NPFFR2: variants seen among roughly 807,000 people sequenced by gnomAD.
NPFFR2 encodes neuropeptide FF receptor 2, also known as G-protein coupled receptor 74.
In NPFFR2, 15 loss-of-function variants were observed where a neutral mutation model predicts 13.1. The ratio of observed to expected loss-of-function variants is 1.15; its 90% CI spans 0.77 to 1.76. The LOEUF is 1.76. Among genes scored for constraint, NPFFR2 ranks in the 40% most tolerant of loss-of-function variants. NPFFR2 has a pLI of 0.00. For missense variants in NPFFR2, 572 were observed against 503.5 expected (o/e 1.14, Z -1.30); for synonymous variants, 190 against 175.7 (o/e 1.08, Z -0.65).
chr4:72,112,097 A>G (rs998672364), intron 1 of NPFFR2, among the ~76,000 whole-genome samples: 6 of 152,022 alleles, frequency 3.9e-5, no homozygotes, highest in South Asian at 2.1e-4. Context: ...CTCTCAGCCA[A>G]CCTTTTTCAG....
At chr4:72,144,837 A>G (rs547227377) in intron 3 of NPFFR2, among the ~76,000 whole-genome samples, 2 of 152,260 alleles carry the variant, frequency 1.3e-5, no homozygotes, top group African/African-American at 2.4e-5. Context: ...TCCAAATTCT[A>G]TTATTTCTGA....
At chr4:72,086,297 GCTTTCT>G (rs1481361874) in intron 1 of NPFFR2, among the ~76,000 whole-genome samples, 4 of 152,064 alleles carry the variant, frequency 2.6e-5, no homozygotes, top group Non-Finnish European at 5.9e-5. Context: ...AATGGTTTCA[GCTTTCT>G]TAAGCTCTCC....
chr4:72,038,905 CTT>C (rs1158358179), intron 1 of NPFFR2, among the ~76,000 whole-genome samples: 4 of 84,752 alleles, frequency 4.7e-5, no homozygotes, highest in African/African-American at 1.9e-4. Flanking sequence ...AATTTCCTTT[CTT>C]TTTTTTTTTT....
Position 72,147,422 on chromosome 4 carries a change from G to T in NPFFR2, c.873G>T (p.Trp291Cys). The change falls in exon 4 of 4, where the codon TGG (tryptophan) becomes TGT (cysteine). Residue 291 changes from tryptophan (W) to cysteine (C), a missense_variant. Coordinates refer to ENST00000308744, the MANE Select transcript of NPFFR2 (RefSeq NM_004885.3). Reference sequence around the variant, plus strand: ...TTATTCTCTCATGGCTGCCCCTGTGGACTCTAATGATGCTCTCAGACTACG... The same window carrying T: ...TTATTCTCTCATGGCTGCCCCTGTGTACTCTAATGATGCTCTCAGACTACG... ...LLFILSWLPLWTLMMLSDYAD... is the reference protein window; with the variant it reads ...LLFILSWLPLCTLMMLSDYAD... The T allele has an allele frequency of 1.2e-6, 2 of 1,614,118 alleles. No individual in the cohort carries two copies. Among genetic ancestry groups the T allele is most frequent in the Non-Finnish European group, 1.7e-6 (2 of 1,180,024 alleles).
chr4:72,142,655 T>G (rs905657006), intron 3 of NPFFR2, among the ~76,000 whole-genome samples: 7 of 152,220 alleles, frequency 4.6e-5, no homozygotes, highest in Admixed American at 3.3e-4. Context: ...TTCCATACTT[T>G]AAAAATAAAT....
Position 72,147,267 on chromosome 4 carries a change from G to T in NPFFR2, c.718G>T (p.Gly240Ter). 6.2e-7 allele frequency: 1 copy of T among 1,614,138 alleles called. No individual in the cohort carries two copies. Among genetic ancestry groups the T allele is most frequent in the Non-Finnish European group, 8.5e-7 (1 of 1,180,008 alleles). ...APLSLIVIMY[G>*]RIGISLFRAA... ...CCTCTCCCTCATTGTCATCATGTAT[G>T]GAAGGATTGGAATTTCACTCTTCAG... Residue 240 changes from glycine to a stop codon, truncating the protein, a stop_gained, in exon 4 of 4, where the codon GGA becomes TGA. Coordinates refer to ENST00000308744, the MANE Select transcript of NPFFR2 (RefSeq NM_004885.3). LOFTEE classifies it low-confidence loss of function (END_TRUNC).
At chr4:72,037,740 C>T (rs559915536) in intron 1 of NPFFR2, among the ~76,000 whole-genome samples, 1 of 152,290 alleles carries the variant, frequency 6.6e-6, no homozygotes, top group Non-Finnish European at 1.5e-5. Flanking sequence ...GGCTTCAAAG[C>T]CTTTGGCTAA....
intron 1 of NPFFR2, among the ~76,000 whole-genome samples, chr4:72,053,918 C>T (rs1376919421): frequency 6.6e-6 from 1 of 151,808 alleles, no homozygotes; most frequent in Non-Finnish European, 1.5e-5. Flanking sequence ...GTATAGGTCT[C>T]CTTTCTCAAA....
At chr4:72,053,162 A>G (rs1237601224) in intron 1 of NPFFR2, among the ~76,000 whole-genome samples, 1 of 151,882 alleles carries the variant, frequency 6.6e-6, no homozygotes, top group Non-Finnish European at 1.5e-5. Context: ...CTCTTCATAT[A>G]TTTTACAGAA....
chr4:72,132,520 G>C (rs1253595194), intron 2 of NPFFR2, among the ~76,000 whole-genome samples: 1 of 152,176 alleles, frequency 6.6e-6, no homozygotes, highest in Non-Finnish European at 1.5e-5. Flanking sequence ...ACCTAGTATT[G>C]GGATTGCTGG....
intron 1 of NPFFR2, among the ~76,000 whole-genome samples, chr4:72,104,408 T>C (rs377720596): frequency 3.3e-5 from 5 of 152,226 alleles, no homozygotes; most frequent in African/African-American, 9.6e-5. Flanking sequence ...ATCATTTTTT[T>C]CACAAATGCT....
chr4:72,141,215 T>C (rs191557949), intron 3 of NPFFR2, among the ~76,000 whole-genome samples: 14 of 152,272 alleles, frequency 9.2e-5, no homozygotes, highest in Admixed American at 7.8e-4. Context: ...AACCAGCTCC[T>C]GGATTCATTA....
chr4:72,111,457 G>A (rs1721564152), intron 1 of NPFFR2, among the ~76,000 whole-genome samples: 1 of 151,968 alleles, frequency 6.6e-6, no homozygotes, highest in South Asian at 2.1e-4. Context: ...TACAGTTGAA[G>A]CAATTAGGAC....
In NPFFR2 at chr4:72,127,360, CT is replaced by C. The variant is rs1186710740; in HGVS notation, c.-7-1204del. Among the ~76,000 whole-genome samples, 575 of 66,922 alleles carry C rather than the reference CT, an allele frequency of 8.6e-3. 10 individuals are homozygous for C. Among genetic ancestry groups the C allele is most frequent in the African/African-American group, 0.03 (505 of 16,766 alleles). 43.9% of individuals were successfully genotyped at this position (66,922 alleles called of 152,430 possible). A position where few individuals can be genotyped will look rare whatever the true frequency, so the allele number is the denominator to read the frequency against. On this transcript the variant is annotated intron_variant, in intron 1 of 3. Transcript: ENST00000308744. ...ATACAGATTCTAAATAATTTCTTTTCTTTTTTTTTTTTTTTTTTTTTGAGAC... is the reference window on the plus strand; with the variant it reads ...ATACAGATTCTAAATAATTTCTTTTCTTTTTTTTTTTTTTTTTTTTGAGAC...
chr4:72,131,482 A>C (rs1380883724), intron 2 of NPFFR2, among the ~76,000 whole-genome samples: 1 of 149,748 alleles, frequency 6.7e-6, no homozygotes, highest in Admixed American at 6.6e-5. Context: ...GCACTAGGAG[A>C]TATACCTAAT....
chr4:72,106,810 T>C (rs377445145), intron 1 of NPFFR2, among the ~76,000 whole-genome samples: 5 of 152,146 alleles, frequency 3.3e-5, no homozygotes, highest in African/African-American at 9.6e-5. Context: ...TATACCATTT[T>C]TATTATTAGA....
chr4:72,106,552 A>G (rs1174873414), intron 1 of NPFFR2, among the ~76,000 whole-genome samples: 1 of 151,996 alleles, frequency 6.6e-6, no homozygotes, highest in African/African-American at 2.4e-5. Context: ...AGTAAGGGTC[A>G]GCTTAAAACT....
chr4:72,098,871 A>G (rs2109808044), intron 1 of NPFFR2, among the ~76,000 whole-genome samples: 1 of 152,226 alleles, frequency 6.6e-6, no homozygotes, highest in East Asian at 1.9e-4. Context: ...TTCTTGTCAC[A>G]TTTGTTTGGC....
intron 3 of NPFFR2, among the ~76,000 whole-genome samples, chr4:72,140,998 G>A (rs112106173): frequency 7.2e-5 from 11 of 152,070 alleles, no homozygotes; most frequent in South Asian, 2.1e-4. Flanking sequence ...AAGGGTGTAC[G>A]TGTCCAGGAA....
Sources: allele counts gnomAD v4.1 joint callset (sites outside exome capture counted in the v4.1 genomes callset), GRCh38; gene constraint gnomAD v4.1.1; transcripts MANE v1.5; gene names NCBI Gene and HGNC (gene_info 2026-07-23, HGNC 2026-07-21).